The following LAMB4 variants were observed in gnomAD, a reference collection of about 807,000 sequenced individuals.
LAMB4 encodes the protein laminin subunit beta-4.
A neutral mutation model predicts 199.2 loss-of-function variants in LAMB4; 196 were observed. The ratio of observed to expected loss-of-function variants is 0.98; its 90% CI spans 0.88 to 1.11. LAMB4 has a LOEUF of 1.11. LAMB4 is among the 50% of genes least tolerant of loss of function. LAMB4 has a pLI of 0.00. For missense variants in LAMB4, 2,080 were observed against 2,171.2 expected (o/e 0.96, Z 0.83); for synonymous variants, 744 against 770.6 (o/e 0.97, Z 0.57).
At chr7:108,021,100 G>T (rs183458068), downstream of LAMB4, among the ~76,000 whole-genome samples, 1 of 152,220 alleles carries the variant, frequency 6.6e-6, no homozygotes, top group African/African-American at 2.4e-5. Context: ...AATATGCTAT[G>T]TTTTGTGTGT....
Position 108,069,867 on chromosome 7 carries a change from T to C in LAMB4, c.2143A>G (p.Ile715Val). Residue 715 changes from isoleucine to valine, a missense_variant, in exon 18 of 34, where the codon ATC becomes GTC. Ile to Val is a conservative substitution (Grantham distance 29). Transcript: ENST00000388781. ...LVDSLGLIPQ[I>V]NSLENFCSKQ... Reference sequence around the variant, plus strand: ...CTGCAGAAATTCTCCAATGAATTGATTTGGGGAATAAGGCCAAGCTTTTGA... The same window carrying C: ...CTGCAGAAATTCTCCAATGAATTGACTTGGGGAATAAGGCCAAGCTTTTGA... 1 of 1,612,734 alleles carries C rather than the reference T, an allele frequency of 6.2e-7. No homozygotes were observed. The highest frequency in any genetic ancestry group is 1.3e-5 in the African/African-American group (1 of 75,020).
rs1308673139 is a variant in LAMB4, at chr7:108,062,913, C to T, written c.3143G>A (p.Gly1048Asp). 1.2e-6 allele frequency: 2 copies of T among 1,608,758 alleles called. No individual in the cohort carries two copies. Among genetic ancestry groups the T allele is most frequent in the Non-Finnish European group, 1.7e-6 (2 of 1,177,894 alleles). The change falls in exon 23 of 34, where the codon GGT becomes GAT. Residue 1048 changes from glycine (G) to aspartate (D), a missense_variant. Physicochemically the swap from Gly to Asp is moderately conservative, Grantham distance 94. Coordinates refer to ENST00000388781, the MANE Select transcript of LAMB4 (RefSeq NM_007356.3). Reference protein sequence around the residue: ...GGACLCDPVTGACPCLPNVTG... With the variant: ...GGACLCDPVTDACPCLPNVTG... ...GACATTCGGCAGACAAGGACATGCACCAGTGACAGGGTCACAGAGGCAAGC... is the reference window on the plus strand; with the variant it reads ...GACATTCGGCAGACAAGGACATGCATCAGTGACAGGGTCACAGAGGCAAGC...
the LAMB4 span, among the ~76,000 whole-genome samples, chr7:108,014,111 A>T: frequency 6.8e-6 from 1 of 146,536 alleles, no homozygotes; most frequent in Non-Finnish European, 1.5e-5. Context: ...TTCTAATACA[A>T]TATTCCAAAA....
At chr7:108,109,396 T>C in intron 4 of LAMB4, 152 bp from the exon 5 acceptor site, 2 of 637,528 alleles carry the variant, frequency 3.1e-6, no homozygotes, top group Non-Finnish European at 5.6e-6. Flanking sequence ...TGGTATCCCA[T>C]GCCACTCCAA....
At position 108,023,965 on chromosome 7, in the gene LAMB4, G is replaced by A; in HGVS notation, c.*74C>T. The A allele has an allele frequency of 2.3e-6, 3 of 1,309,864 alleles. No individual in the cohort carries two copies. The highest frequency in any genetic ancestry group is 3.1e-6 in the Non-Finnish European group (3 of 960,886). The allele number at this position is 1,309,864 out of a possible 1,614,324, so 81.1% of individuals were successfully genotyped here. A position where few individuals can be genotyped will look rare whatever the true frequency, so the allele number is the denominator to read the frequency against. ...AGAAGACATTGTCAGTATTTCACAG[G>A]TTCAACAGAGCCCCAGGGGCTTGTA... On this transcript the variant is annotated 3_prime_UTR_variant, in exon 34 of 34. Transcript: ENST00000388781.
chr7:108,073,196 G>A (rs1300133435), intron 17 of LAMB4, among the ~76,000 whole-genome samples: 1 of 152,190 alleles, frequency 6.6e-6, no homozygotes, highest in Non-Finnish European at 1.5e-5. Context: ...AGTAGAGACG[G>A]GGTTTTGCCA....
intron 6 of LAMB4, among the ~76,000 whole-genome samples, chr7:108,107,012 G>A (rs1563099418): frequency 1.3e-5 from 2 of 152,174 alleles, no homozygotes; most frequent in Non-Finnish European, 1.5e-5. Flanking sequence ...GTATTAATCA[G>A]TCATTTCCGG....
chr7:108,072,267 A>G (rs1243731996), intron 17 of LAMB4, among the ~76,000 whole-genome samples: 1 of 152,156 alleles, frequency 6.6e-6, no homozygotes, highest in African/African-American at 2.4e-5. Flanking sequence ...TCTCTCCATG[A>G]AAGCAGTGAT....
intron 23 of LAMB4, among the ~76,000 whole-genome samples, chr7:108,060,168 T>A (rs1467610079): frequency 6.6e-6 from 1 of 152,232 alleles, no homozygotes; most frequent in Non-Finnish European, 1.5e-5. Context: ...GGATCCCCTA[T>A]GCACCAAATA....
intron 29 of LAMB4, among the ~76,000 whole-genome samples, chr7:108,038,656 GT>G (rs1032188285): frequency 3.3e-5 from 5 of 152,170 alleles, no homozygotes; most frequent in Non-Finnish European, 5.9e-5. Flanking sequence ...GAGATTTTTT[GT>G]GTGTGATTTT....
At chr7:108,067,750 C>T (rs1036949824) in intron 19 of LAMB4, among the ~76,000 whole-genome samples, 2 of 152,222 alleles carry the variant, frequency 1.3e-5, no homozygotes, top group Non-Finnish European at 2.9e-5. Context: ...TTGACACAGA[C>T]TGCAAACTTC....
Position 108,100,798 on chromosome 7 carries a change from T to C in LAMB4, c.1181-2216A>G, listed in dbSNP as rs2037788665. Among the ~76,000 whole-genome samples, 4 of 152,238 alleles carry C rather than the reference T, an allele frequency of 2.6e-5. 1 individual carries two copies. The South Asian group carries it at 8.3e-4, about 32-fold the overall frequency. On this transcript the variant is annotated intron_variant, in intron 10 of 33. Coordinates refer to ENST00000388781, the MANE Select transcript of LAMB4 (RefSeq NM_007356.3). The stretch of plus-strand genomic sequence containing the variant: ...AAACAATAAAAGTTATGTGTGTGCA[T>C]GATTACAGATTGTGGTAAAAACTGT...
At chr7:108,091,430 A>G (rs1390349741) in intron 14 of LAMB4, among the ~76,000 whole-genome samples, 196 bp downstream of exon 14, 2 of 152,210 alleles carry the variant, frequency 1.3e-5, no homozygotes, top group Non-Finnish European at 2.9e-5. Flanking sequence ...TGGGATACAA[A>G]GATGAACTAA....
intron 2 of LAMB4, among the ~76,000 whole-genome samples, chr7:108,122,901 T>C (rs1302984762): frequency 6.6e-6 from 1 of 152,226 alleles, no homozygotes; most frequent in Non-Finnish European, 1.5e-5. Context: ...ATATTTTACT[T>C]ATCTGAAGAT....
chr7:108,078,204 G>A lies in LAMB4; in HGVS notation c.2000C>T (p.Thr667Met), dbSNP rs199641489. The change falls in exon 16 of 34, where the codon ACG becomes ATG. Residue 667 changes from threonine to methionine, a missense_variant. Coordinates refer to ENST00000388781, the MANE Select transcript of LAMB4 (RefSeq NM_007356.3). ...KPQSFALPAA[T>M]RIMLLPTPIC... ...TGAGGACCGGTCTGAAACATACCTC[G>A]TAGCCGCTGGTAAGGCAAAAGACTG... 10 of 1,595,474 alleles carry A rather than the reference G, an allele frequency of 6.3e-6. No individual in the cohort carries two copies. Among genetic ancestry groups the A allele is most frequent in the Admixed American group, 1.7e-5 (1 of 58,668 alleles).
chr7:108,034,236 A>G lies in LAMB4; in HGVS notation c.4790T>C (p.Ile1597Thr), dbSNP rs370387445. 1.1e-5 allele frequency: 18 copies of G among 1,613,916 alleles called. No individual in the cohort carries two copies. Among genetic ancestry groups the G allele is most frequent in the African/African-American group, 1.1e-4 (8 of 74,910 alleles). ...CAGCACATTCTTTTTTATTTTTGTT[A>G]TATTGGCAGTCAGCTGTGTAATGGT... is the stretch of plus-strand genomic sequence containing the variant. Reference protein sequence around the residue: ...NSTITQLTANITKIKKNVLQA... With the variant: ...NSTITQLTANTTKIKKNVLQA... Residue 1597 changes from isoleucine (I) to threonine (T), a missense_variant, in exon 31 of 34, where the codon ATA (isoleucine) becomes ACA (threonine). Transcript: ENST00000388781.
At chr7:108,078,385 A>G in intron 15 of LAMB4, 69 bp from the exon 16 acceptor site, 1 of 959,138 alleles carries the variant, frequency 1.0e-6, no homozygotes, top group Non-Finnish European at 1.6e-6. Context: ...GTACACACAT[A>G]TAGCTAATGG....
chr7:108,067,700 C>T (rs571356024), intron 19 of LAMB4, among the ~76,000 whole-genome samples: 1 of 152,254 alleles, frequency 6.6e-6, no homozygotes, highest in Admixed American at 6.5e-5. Context: ...TTGCCAGCTC[C>T]CTTCATGGTG....
chr7:108,031,353 AAAAGAAAAAGG>A, intron 31 of LAMB4, among the ~76,000 whole-genome samples: 1 of 145,792 alleles, frequency 6.9e-6, no homozygotes, highest in African/African-American at 2.5e-5. Flanking sequence ...AAAAAGAAAA[AAAAGAAAAAGG>A]AAAAGAAAAA....
Sources: gnomAD v4.1 joint callset for allele counts (sites outside exome capture counted in the v4.1 genomes callset) on GRCh38, gnomAD v4.1.1 for gene constraint, MANE v1.5 for transcripts, NCBI Gene and HGNC (gene_info 2026-07-23, HGNC 2026-07-21) for gene names.